Variants in CDH18 observed in about 807,000 individuals in gnomAD.
CDH18 encodes the protein cadherin-18.
Under a neutral mutation model 67.9 loss-of-function variants are expected in CDH18, and 31 were observed. The observed-to-expected ratio is 0.46, with a 90% CI of 0.34 to 0.62. CDH18 has a LOEUF of 0.62. Among genes scored for constraint, CDH18 ranks in the 20% least tolerant of loss-of-function variants. The pLI, the probability that CDH18 is intolerant of heterozygous loss-of-function variation, is 0.01. For synonymous variants in CDH18, 362 were observed against 347.2 expected (o/e 1.04, Z -0.48); for missense variants, 890 against 975.5 (o/e 0.91, Z 1.17).
intron 2 of CDH18, among the ~76,000 whole-genome samples, chr5:20,138,702 C>T (rs188724618): frequency 6.6e-6 from 1 of 152,104 alleles, no homozygotes; most frequent in Admixed American, 6.6e-5. Context: ...CATGAGTGAA[C>T]TCCCATTCAC....
At chr5:19,866,833 T>G (rs1785582698) in intron 2 of CDH18, among the ~76,000 whole-genome samples, 1 of 152,188 alleles carries the variant, frequency 6.6e-6, no homozygotes, top group African/African-American at 2.4e-5. Context: ...GGCTCACACC[T>G]GTAATCCCAG....
intron 1 of CDH18, among the ~76,000 whole-genome samples, chr5:20,285,307 C>A (rs1339630342): frequency 6.6e-6 from 1 of 150,446 alleles, no homozygotes; most frequent in Non-Finnish European, 1.5e-5. Context: ...GTCATGAATA[C>A]CCACTGTTCT....
At position 19,699,640 on chromosome 5, in the gene CDH18, GTC is replaced by G. The variant is rs1328288229; in HGVS notation, c.643+21705_643+21706del. ...TGTGTGTGTGTGTGTGTGTGTGTGT[GTC>G]TGTGTGTGTGTGTGTGTGTGTGTTT... On this transcript the variant is annotated intron_variant, in intron 5 of 12. Transcript: ENST00000382275. Among the ~76,000 whole-genome samples the G allele has an allele frequency of 1.8e-4, 15 of 82,920 alleles. No individual in the cohort carries two copies. The East Asian group carries it at 2.4e-3, about 13-fold the overall frequency. The allele number at this position is 82,920 out of a possible 152,430, so 54.4% of individuals were successfully genotyped here.
intron 1 of CDH18, among the ~76,000 whole-genome samples, chr5:20,402,874 C>A (rs113047475): frequency 6.6e-6 from 1 of 151,558 alleles, no homozygotes; most frequent in Admixed American, 6.6e-5. Flanking sequence ...CACCACTGCA[C>A]CCCAGGCTGG....
chr5:20,545,729 T>C (rs899299520), intron 1 of CDH18, among the ~76,000 whole-genome samples: 1 of 152,210 alleles, frequency 6.6e-6, no homozygotes, highest in African/African-American at 2.4e-5. Context: ...GAGGGGCTAC[T>C]GCCAAGATCT....
chr5:20,231,476 G>T lies in CDH18; in HGVS notation c.-518+23968C>A, dbSNP rs140147542. 3.5e-3 allele frequency among the ~76,000 whole-genome samples: 534 copies of T among 152,074 alleles called. 4 individuals carry two copies. The highest frequency in any genetic ancestry group is 0.012 in the African/African-American group (509 of 41,486). Reference sequence around the variant, plus strand: ...ATTAGCAGGGTGGGGTGGCGCTCCTGTAACCCCAGCTACTCAGGAGGCTGA... The same window carrying T: ...ATTAGCAGGGTGGGGTGGCGCTCCTTTAACCCCAGCTACTCAGGAGGCTGA... On this transcript the variant is annotated intron_variant, in intron 2 of 14. Transcript: ENST00000507958.
intron 2 of CDH18, among the ~76,000 whole-genome samples, chr5:19,887,083 G>A (rs773246697): frequency 4.0e-5 from 6 of 151,614 alleles, no homozygotes; most frequent in Admixed American, 2.6e-4. Context: ...GTGCCCACAT[G>A]TATATGCATT....
chr5:20,327,431 T>G (rs1738707017), intron 1 of CDH18, among the ~76,000 whole-genome samples: 1 of 152,148 alleles, frequency 6.6e-6, no homozygotes, highest in African/African-American at 2.4e-5. Flanking sequence ...CTCACGAGAA[T>G]GTAACCATCT....
chr5:20,272,996 A>C (rs1745549181), intron 1 of CDH18, among the ~76,000 whole-genome samples: 1 of 152,092 alleles, frequency 6.6e-6, no homozygotes, highest in South Asian at 2.1e-4. Context: ...AATAGATTTA[A>C]CTGTTTGTAA....
At chr5:20,084,189 C>T (rs1204495108) in intron 2 of CDH18, among the ~76,000 whole-genome samples, 1 of 152,156 alleles carries the variant, frequency 6.6e-6, no homozygotes, top group Non-Finnish European at 1.5e-5. Context: ...TGGGTAAATA[C>T]AGCCTTTACA....
intron 2 of CDH18, among the ~76,000 whole-genome samples, chr5:20,044,440 A>T (rs1740732691): frequency 6.6e-6 from 1 of 152,178 alleles, no homozygotes; most frequent in Non-Finnish European, 1.5e-5. Context: ...TCTAAGTGTG[A>T]CTGGCATCAT....
At chr5:20,470,646 T>C (rs1751984231) in intron 1 of CDH18, among the ~76,000 whole-genome samples, 1 of 152,186 alleles carries the variant, frequency 6.6e-6, no homozygotes, top group Non-Finnish European at 1.5e-5. Context: ...CTCCTTCCCC[T>C]GTGCAGTTAT....
At chr5:20,007,341 C>A (rs528015479) in intron 2 of CDH18, among the ~76,000 whole-genome samples, 6 of 151,704 alleles carry the variant, frequency 4.0e-5, no homozygotes, top group Admixed American at 3.9e-4. Context: ...AGCAAAAATG[C>A]ATTCCACAAG....
At chr5:19,549,979 C>G (rs1737118269) in intron 8 of CDH18, among the ~76,000 whole-genome samples, 1 of 151,720 alleles carries the variant, frequency 6.6e-6, no homozygotes, top group East Asian at 1.9e-4. Context: ...GATATGTGCA[C>G]CAGAGATCAT....
At chr5:19,563,048 G>A (rs1739729258) in intron 8 of CDH18, among the ~76,000 whole-genome samples, 1 of 152,106 alleles carries the variant, frequency 6.6e-6, no homozygotes, top group Non-Finnish European at 1.5e-5. Context: ...AATGTGTGGA[G>A]TAAACCCATA....
At chr5:20,451,830 TAA>T (rs1408906708) in intron 1 of CDH18, among the ~76,000 whole-genome samples, 1 of 152,182 alleles carries the variant, frequency 6.6e-6, no homozygotes, top group Non-Finnish European at 1.5e-5. Context: ...ATTTGCAATA[TAA>T]GTTTAACAGC....
intron 2 of CDH18, among the ~76,000 whole-genome samples, chr5:19,926,484 T>C (rs372751668): frequency 3.2e-4 from 48 of 152,216 alleles, no homozygotes; most frequent in African/African-American, 8.9e-4. Flanking sequence ...ATCAAAATAT[T>C]CTCAATTTTG....
intron 5 of CDH18, among the ~76,000 whole-genome samples, chr5:19,699,462 TA>T (rs1481102247): frequency 6.6e-6 from 1 of 152,146 alleles, no homozygotes; most frequent in Non-Finnish European, 1.5e-5. Flanking sequence ...AAAAATTTTA[TA>T]AGTTAAATCC....
intron 2 of CDH18, among the ~76,000 whole-genome samples, chr5:19,912,009 G>T (rs1056946134): frequency 1.3e-5 from 2 of 152,096 alleles, no homozygotes; most frequent in Admixed American, 6.6e-5. Context: ...TGGTATCATT[G>T]AAGCGGCAAG....
Sources: allele counts gnomAD v4.1 joint callset (sites outside exome capture counted in the v4.1 genomes callset), GRCh38; gene constraint gnomAD v4.1.1; transcripts MANE v1.5; gene names NCBI Gene and HGNC (gene_info 2026-07-23, HGNC 2026-07-21).